The following VTI1A variants were observed in gnomAD, a reference collection of about 807,000 sequenced individuals.
VTI1A encodes the protein vesicle transport through interaction with t-SNAREs homolog 1A.
A neutral mutation model predicts 34.9 loss-of-function variants in VTI1A; 22 were observed. That is an observed-to-expected ratio of 0.63 (90% CI 0.45 to 0.90). The LOEUF is 0.90. Ranked by LOEUF, VTI1A falls within the 40% of genes least tolerant of loss-of-function variation. VTI1A has a pLI of 0.00. For synonymous variants in VTI1A, 87 were observed against 97.3 expected (o/e 0.89, Z 0.62); for missense variants, 268 against 275.6 (o/e 0.97, Z 0.20).
intron 1 of VTI1A, among the ~76,000 whole-genome samples, chr10:112,451,399 C>T (rs1212701295): frequency 2.0e-5 from 3 of 152,210 alleles, no homozygotes; most frequent in East Asian, 1.9e-4. Flanking sequence ...GCTAGGACCC[C>T]GCTCTTCAGA....
chr10:112,585,373 A>C (rs1844104231), intron 5 of VTI1A, among the ~76,000 whole-genome samples: 1 of 152,230 alleles, frequency 6.6e-6, no homozygotes, highest in Non-Finnish European at 1.5e-5. Flanking sequence ...TGCTCAGAAC[A>C]GCTATTACAG....
chr10:112,489,882 A>G (rs1848762518), intron 3 of VTI1A, among the ~76,000 whole-genome samples: 1 of 152,138 alleles, frequency 6.6e-6, no homozygotes, highest in Non-Finnish European at 1.5e-5. Flanking sequence ...TTTTAATCCC[A>G]TTTTGATCAA....
At chr10:112,781,283 C>T (rs76365283) in intron 7 of VTI1A, among the ~76,000 whole-genome samples, 9,590 of 152,142 alleles carry the variant, frequency 0.063, 459 homozygotes, top group African/African-American at 0.13. Flanking sequence ...TTTGGGACAC[C>T]CTCTCTGGGC....
intron 7 of VTI1A, among the ~76,000 whole-genome samples, chr10:112,773,145 A>C (rs1851862567): frequency 6.6e-6 from 1 of 152,212 alleles, no homozygotes; most frequent in Non-Finnish European, 1.5e-5. Context: ...TGCTATCAGA[A>C]GTCTAAGAGC....
chr10:112,699,566 CTCACGCCTATAA>C (rs1848916400), intron 7 of VTI1A, among the ~76,000 whole-genome samples: 1 of 152,264 alleles, frequency 6.6e-6, no homozygotes, highest in South Asian at 2.1e-4. Flanking sequence ...GGCATGGTGG[CTCACGCCTATAA>C]TCCCAGCACT....
In VTI1A at chr10:112,734,762, C is replaced by T. The variant is rs1485129777; in HGVS notation, c.560+65764C>T. Among the ~76,000 whole-genome samples the T allele has an allele frequency of 5.3e-5, 8 of 151,718 alleles. No individual in the cohort carries two copies. The East Asian group carries it at 7.8e-4, about 15-fold the overall frequency. On this transcript the variant is annotated intron_variant, in intron 7 of 7. Coordinates refer to ENST00000393077, the MANE Select transcript of VTI1A (RefSeq NM_145206.4). ...CCGCCTCCCAGGTTCAAGACATTCTCGTGCCTCAGCCTCCCGAATAGCTGG... is the reference window on the plus strand; with the variant it reads ...CCGCCTCCCAGGTTCAAGACATTCTTGTGCCTCAGCCTCCCGAATAGCTGG...
intron 5 of VTI1A, among the ~76,000 whole-genome samples, chr10:112,575,596 C>T (rs1852301378): frequency 6.6e-6 from 1 of 152,176 alleles, no homozygotes; most frequent in Admixed American, 6.5e-5. Flanking sequence ...GCTCTGTTTA[C>T]AGTCCAGTGG....
intron 3 of VTI1A, among the ~76,000 whole-genome samples, chr10:112,479,880 C>A (rs7908819): frequency 0.91 from 138,435 of 152,232 alleles, 63,578 homozygotes; most frequent in African/African-American, 0.97. Context: ...CACATTAATA[C>A]ATTTGTATGC....
chr10:112,477,491 A>G (rs888488288), intron 3 of VTI1A, among the ~76,000 whole-genome samples: 3 of 152,170 alleles, frequency 2.0e-5, no homozygotes, highest in Admixed American at 2.0e-4. Flanking sequence ...CTCATTCTCC[A>G]TTTGGTTCTG....
chr10:112,563,104 T>C (rs941098479), intron 5 of VTI1A, among the ~76,000 whole-genome samples: 5 of 152,296 alleles, frequency 3.3e-5, no homozygotes, highest in Non-Finnish European at 7.4e-5. Context: ...GCTAATTCCA[T>C]TGTCACGTGT....
At chr10:112,762,230 G>A (rs2134009509) in intron 7 of VTI1A, among the ~76,000 whole-genome samples, 1 of 152,308 alleles carries the variant, frequency 6.6e-6, no homozygotes, top group South Asian at 2.1e-4. Context: ...GGCTCATAGG[G>A]GATGCTAGAG....
At chr10:112,693,091 A>G (rs1441928241) in intron 7 of VTI1A, among the ~76,000 whole-genome samples, 2 of 152,244 alleles carry the variant, frequency 1.3e-5, no homozygotes, top group Admixed American at 1.3e-4. Context: ...GCACTCAAAC[A>G]TAGAATCAAA....
At chr10:112,769,152 G>A (rs1429499041) in intron 7 of VTI1A, among the ~76,000 whole-genome samples, 1 of 152,162 alleles carries the variant, frequency 6.6e-6, no homozygotes, top group Non-Finnish European at 1.5e-5. Context: ...AATAGGGAGA[G>A]CTAAAATTTG....
At chr10:112,512,305 A>G (rs1241488904) in intron 3 of VTI1A, among the ~76,000 whole-genome samples, 1 of 152,114 alleles carries the variant, frequency 6.6e-6, no homozygotes, top group Non-Finnish European at 1.5e-5. Flanking sequence ...ATAATTTGTT[A>G]TATCGAGCAT....
chr10:112,782,645 A>G (rs752805614), intron 7 of VTI1A, among the ~76,000 whole-genome samples: 19 of 152,146 alleles, frequency 1.2e-4, no homozygotes, highest in East Asian at 5.8e-4. Flanking sequence ...GGGTAATTAC[A>G]TTTGGTCTAC....
chr10:112,776,227 G>A (rs1433631288), intron 7 of VTI1A, among the ~76,000 whole-genome samples: 3 of 152,204 alleles, frequency 2.0e-5, no homozygotes, highest in East Asian at 1.9e-4. Flanking sequence ...TTCAACACGC[G>A]CTGCACCGTG....
intron 7 of VTI1A, among the ~76,000 whole-genome samples, chr10:112,684,076 G>A (rs1440527391): frequency 1.3e-5 from 2 of 151,808 alleles, no homozygotes; most frequent in Non-Finnish European, 2.9e-5. Context: ...TTTTGTAAGG[G>A]TAAAAAACGT....
intron 5 of VTI1A, among the ~76,000 whole-genome samples, chr10:112,603,279 G>A (rs1245876631): frequency 1.3e-5 from 2 of 152,158 alleles, no homozygotes; most frequent in Non-Finnish European, 2.9e-5. Context: ...TTGACAATGT[G>A]TTGAGATAAG....
rs143853920 is a variant in VTI1A at position 112,612,164 on chromosome 10, G to A, written c.428-56054G>A. Among the ~76,000 whole-genome samples, 306 of 152,234 alleles carry A rather than the reference G, an allele frequency of 2.0e-3. 2 individuals are homozygous for A. The highest frequency in any genetic ancestry group is 6.9e-3 in the African/African-American group (286 of 41,522). ...AAAACTGAGGTATCAGGATTTTCATGTGACTAAAAAAGTGTCTACTCTCAT... is the reference window on the plus strand; with the variant it reads ...AAAACTGAGGTATCAGGATTTTCATATGACTAAAAAAGTGTCTACTCTCAT... On this transcript the variant is annotated intron_variant, in intron 5 of 7. Coordinates refer to ENST00000393077, the MANE Select transcript of VTI1A (RefSeq NM_145206.4).
Sources: gnomAD v4.1 joint callset for allele counts (sites outside exome capture counted in the v4.1 genomes callset) on GRCh38, gnomAD v4.1.1 for gene constraint, MANE v1.5 for transcripts, NCBI Gene and HGNC (gene_info 2026-07-23, HGNC 2026-07-21) for gene names.